Variants in PPP1R16B observed in about 807,000 individuals in gnomAD.
The protein encoded by PPP1R16B is protein phosphatase 1 regulatory subunit 16B, also known as protein phosphatase 1 regulatory inhibitor subunit 16B.
A neutral mutation model predicts 61.7 loss-of-function variants in PPP1R16B; 14 were observed. The ratio of observed to expected loss-of-function variants is 0.23; its 90% CI spans 0.15 to 0.35. PPP1R16B has a LOEUF of 0.35. PPP1R16B is among the 10% of genes least tolerant of loss of function. The pLI, the probability that PPP1R16B is intolerant of heterozygous loss-of-function variation, is 1.00. For missense variants in PPP1R16B, 547 were observed against 752.5 expected (o/e 0.73, Z 3.19); for synonymous variants, 266 against 305.3 (o/e 0.87, Z 1.34).
At chr20:38,897,855 C>T (rs576844272) in intron 4 of PPP1R16B, among the ~76,000 whole-genome samples, 5 of 152,300 alleles carry the variant, frequency 3.3e-5, no homozygotes, top group Admixed American at 1.3e-4. Context: ...TGATGAGTGA[C>T]GTTGAGCATC....
chr20:38,865,581 G>T (rs558854420), intron 2 of PPP1R16B, among the ~76,000 whole-genome samples: 6 of 152,140 alleles, frequency 3.9e-5, no homozygotes, highest in African/African-American at 1.4e-4. Context: ...GTGAGCCGCC[G>T]CGCCCGGCCT....
intron 6 of PPP1R16B, 137 bp from the exon 7 acceptor site, chr20:38,905,832 A>C (rs2085436222): frequency 1.2e-6 from 1 of 852,134 alleles, no homozygotes; most frequent in African/African-American, 1.7e-5. Flanking sequence ...CTGCAATGTG[A>C]CTGGTATTTC....
chr20:38,869,885 G>A (rs2085115084), intron 2 of PPP1R16B, among the ~76,000 whole-genome samples: 1 of 150,978 alleles, frequency 6.6e-6, no homozygotes, highest in African/African-American at 2.4e-5. Context: ...AGATGGACCT[G>A]TCTGCCTGCC....
chr20:38,871,417 A>G (rs931835303), intron 2 of PPP1R16B, among the ~76,000 whole-genome samples: 2 of 152,034 alleles, frequency 1.3e-5, no homozygotes, highest in Non-Finnish European at 2.9e-5. Flanking sequence ...GGATTGGTTT[A>G]TTCATTCAGC....
intron 3 of PPP1R16B, among the ~76,000 whole-genome samples, chr20:38,892,237 G>C (rs1324391201): frequency 6.6e-6 from 1 of 151,960 alleles, no homozygotes; most frequent in Non-Finnish European, 1.5e-5. Context: ...TTTTTAGCTT[G>C]GGGTTCCCGC....
At chr20:38,893,947 C>A (rs1169486755) in intron 3 of PPP1R16B, among the ~76,000 whole-genome samples, 1 of 152,156 alleles carries the variant, frequency 6.6e-6, no homozygotes. Context: ...GAGATGCTCA[C>A]CTTCCACCGC....
intron 3 of PPP1R16B, among the ~76,000 whole-genome samples, chr20:38,890,482 G>C (rs1176517856): frequency 2.0e-5 from 3 of 152,202 alleles, no homozygotes; most frequent in Non-Finnish European, 4.4e-5. Flanking sequence ...AGCACTTGGT[G>C]CTTTCACCCA....
intron 10 of PPP1R16B, among the ~76,000 whole-genome samples, chr20:38,914,462 G>A (rs2085516768): frequency 6.6e-6 from 1 of 152,138 alleles, no homozygotes; most frequent in African/African-American, 2.4e-5. Context: ...CACAAAGGGT[G>A]TTCTAGGGTC....
At chr20:38,870,234 G>A (rs778597680) in intron 2 of PPP1R16B, among the ~76,000 whole-genome samples, 6 of 152,182 alleles carry the variant, frequency 3.9e-5, no homozygotes, top group Admixed American at 2.0e-4. Flanking sequence ...AACCACGCCC[G>A]GCCTGCAGAG....
chr20:38,922,013 G>A lies in PPP1R16B; in HGVS notation c.*3347G>A, dbSNP rs2085603081. The A allele has an allele frequency of 6.6e-6, 1 of 152,240 alleles. No homozygotes were observed. The highest frequency in any genetic ancestry group is 2.4e-5 in the African/African-American group (1 of 41,464). The allele number at this position is 152,240 out of a possible 1,614,324, so 9.4% of individuals were successfully genotyped here. On this transcript the variant is annotated 3_prime_UTR_variant, in exon 11 of 11. Coordinates refer to ENST00000299824, the MANE Select transcript of PPP1R16B (RefSeq NM_015568.4). Reference sequence around the variant, plus strand: ...ATTAAAGGAGACCACTTCCAAAGCAGGTGCTGCATGGCTCACCATCATATG... The same window carrying A: ...ATTAAAGGAGACCACTTCCAAAGCAAGTGCTGCATGGCTCACCATCATATG...
rs970308784 is a variant in PPP1R16B at position 38,916,379 on chromosome 20, GT to G, written c.1195-1774del. The stretch of plus-strand genomic sequence containing the variant: ...ATGTACATATATGTTATATATGTAC[GT>G]TTTATATATATTTATATATGTATGT... On this transcript the variant is annotated intron_variant, in intron 10 of 10. Transcript: ENST00000299824. Among the ~76,000 whole-genome samples the G allele has an allele frequency of 1.3e-3, 196 of 146,226 alleles. 2 individuals are homozygous for G. Among genetic ancestry groups the G allele is most frequent in the African/African-American group, 4.8e-3 (192 of 39,760 alleles).
intron 1 of PPP1R16B, among the ~76,000 whole-genome samples, chr20:38,807,173 C>T (rs2084668098): frequency 6.6e-6 from 1 of 152,154 alleles, no homozygotes; most frequent in Non-Finnish European, 1.5e-5. Flanking sequence ...CCTGCCATTT[C>T]CTGCGGCTGG....
intron 2 of PPP1R16B, among the ~76,000 whole-genome samples, chr20:38,864,030 C>T (rs145265334): frequency 2.6e-5 from 4 of 152,206 alleles, no homozygotes; most frequent in South Asian, 2.1e-4. Flanking sequence ...AGGACTGACA[C>T]GTGCTATACC....
At chr20:38,841,587 G>A (rs916601013) in intron 2 of PPP1R16B, among the ~76,000 whole-genome samples, 1 of 152,130 alleles carries the variant, frequency 6.6e-6, no homozygotes, top group Non-Finnish European at 1.5e-5. Flanking sequence ...CATTTGCAGT[G>A]ACTCCTGGTT....
chr20:38,916,415 A>G (rs913109767), intron 10 of PPP1R16B, among the ~76,000 whole-genome samples: 2 of 148,808 alleles, frequency 1.3e-5, no homozygotes, highest in African/African-American at 4.9e-5. Flanking sequence ...TTATATATAA[A>G]TATATGTTAG....
intron 2 of PPP1R16B, chr20:38,838,042 G>A (rs1323215983): frequency 6.6e-6 from 1 of 152,210 alleles, no homozygotes; most frequent in African/African-American, 2.4e-5. Context: ...GTGGCAGAGC[G>A]GGATCAGAAC....
At chr20:38,886,514 G>A (rs1267783582) in intron 2 of PPP1R16B, among the ~76,000 whole-genome samples, 1 of 152,160 alleles carries the variant, frequency 6.6e-6, no homozygotes, top group African/African-American at 2.4e-5. Context: ...ACCCATCCTA[G>A]TCAGGGATAT....
Position 38,906,106 on chromosome 20 carries a change from C to T in PPP1R16B, c.822+12C>T. The T allele has an allele frequency of 2.5e-6, 4 of 1,610,918 alleles. No homozygotes were observed. Among genetic ancestry groups the T allele is most frequent in the Non-Finnish European group, 3.4e-6 (4 of 1,179,356 alleles). On this transcript the variant is annotated intron_variant, in intron 7 of 10. Coordinates refer to ENST00000299824, the MANE Select transcript of PPP1R16B (RefSeq NM_015568.4). ...CCTTCTGGGGACAGGTAGTTCTCAC[C>T]CACAGGGCTGTGGGGGAGGCCGGCA...
At chr20:38,813,410 G>A (rs1339047352) in intron 1 of PPP1R16B, among the ~76,000 whole-genome samples, 2 of 152,232 alleles carry the variant, frequency 1.3e-5, no homozygotes, top group Non-Finnish European at 2.9e-5. Flanking sequence ...CTGAAAGTCT[G>A]TATTTTCTCA....
Sources: allele counts gnomAD v4.1 joint callset (sites outside exome capture counted in the v4.1 genomes callset), GRCh38; gene constraint gnomAD v4.1.1; transcripts MANE v1.5; gene names NCBI Gene and HGNC (gene_info 2026-07-23, HGNC 2026-07-21).